The following PTDSS2 variants were observed in gnomAD, a reference collection of about 807,000 sequenced individuals.
PTDSS2 encodes PSS-2.
Under a neutral mutation model 64.7 loss-of-function variants are expected in PTDSS2, and 41 were observed. The observed-to-expected ratio is 0.63, with a 90% CI of 0.49 to 0.82. PTDSS2 has a LOEUF of 0.82. Ranked by LOEUF, PTDSS2 falls within the 40% of genes least tolerant of loss-of-function variation. The pLI, the probability that PTDSS2 is intolerant of heterozygous loss-of-function variation, is 0.00. For missense variants in PTDSS2, 485 were observed against 650.0 expected, an observed-to-expected ratio of 0.75 and a Z score of 2.76; for synonymous variants, 297 against 277.8, an observed-to-expected ratio of 1.07 and a Z score of -0.69.
At chr11:475,520 TGTTTGTGTGATACGGACATTCACGC>T (rs1847761369) in intron 3 of PTDSS2, among the ~76,000 whole-genome samples, 1 of 103,316 alleles carries the variant, frequency 9.7e-6, no homozygotes, top group Non-Finnish European at 2.0e-5. Flanking sequence ...CATATTCACG[TGTTTGTGTGATACGGACATTCACGC>T]GTTTGTGTGT....
At position 490,798 on chromosome 11, in the gene PTDSS2, ACG is replaced by A. The variant is rs137988203; in HGVS notation, c.*219_*220del. 27 of 577,944 alleles carry A rather than the reference ACG, an allele frequency of 4.7e-5. No homozygotes were observed. The highest frequency in any genetic ancestry group is 7.1e-5 in the Non-Finnish European group (23 of 325,958). 35.8% of individuals were successfully genotyped at this position (577,944 alleles called of 1,614,324 possible). ...TGTGTACGTGTGTATGCGTGTGTGT[ACG>A]CGTGTGTACGCGCGTGTGTACACAT... On this transcript the variant is annotated 3_prime_UTR_variant, in exon 12 of 12. Coordinates refer to ENST00000308020, the MANE Select transcript of PTDSS2 (RefSeq NM_030783.3).
chr11:452,052 G>A lies in PTDSS2; in HGVS notation c.182+1415G>A, dbSNP rs113470768. Among the ~76,000 whole-genome samples the A allele has an allele frequency of 7.1e-3, 1,088 of 152,222 alleles. 15 individuals carry two copies. The highest frequency in any genetic ancestry group is 0.025 in the African/African-American group (1,043 of 41,504). ...TCCCGCAGCACAGCTGGGGACCACC[G>A]GAGTCTCTGAGGTCCTGGAGCAAGG... On this transcript the variant is annotated intron_variant, in intron 1 of 11. Transcript: ENST00000308020.
At chr11:466,192 G>T (rs1479781589) in intron 2 of PTDSS2, among the ~76,000 whole-genome samples, 5 of 152,006 alleles carry the variant, frequency 3.3e-5, no homozygotes, top group African/African-American at 4.8e-5. Context: ...TGTGTAACAT[G>T]GTCTATTAGT....
At chr11:454,547 C>G (rs1347643584) in intron 1 of PTDSS2, among the ~76,000 whole-genome samples, 1 of 152,172 alleles carries the variant, frequency 6.6e-6, no homozygotes, top group Non-Finnish European at 1.5e-5. Flanking sequence ...AGTTTTACGC[C>G]TGTAATCCCA....
chr11:450,823 C>T (rs1846285635), intron 1 of PTDSS2, among the ~76,000 whole-genome samples, 186 bp downstream of exon 1: 1 of 152,104 alleles, frequency 6.6e-6, no homozygotes, highest in South Asian at 2.1e-4. Flanking sequence ...GAGCTCCCGA[C>T]GCCGGGTCGG....
chr11:485,965 G>A (rs1373507288), intron 4 of PTDSS2, among the ~76,000 whole-genome samples: 8 of 138,638 alleles, frequency 5.8e-5, no homozygotes, highest in South Asian at 2.3e-4. Flanking sequence ...GCACGGGCGC[G>A]CGTGTGCTCA....
chr11:451,393 C>G (rs2133744876), intron 1 of PTDSS2: 1 of 448,632 alleles, frequency 2.2e-6, no homozygotes, highest in Middle Eastern at 3.3e-4. Context: ...AGCTGCGACC[C>G]TGGGCTGGCC....
In PTDSS2 at chr11:491,202, G is replaced by A. The variant is rs964810778; in HGVS notation, c.*620G>A. 5 of 154,438 alleles carry A rather than the reference G, an allele frequency of 3.2e-5. No homozygotes were observed. The highest frequency in any genetic ancestry group is 1.2e-4 in the African/African-American group (5 of 41,474). The allele number at this position is 154,438 out of a possible 1,614,324, so 9.6% of individuals were successfully genotyped here. On this transcript the variant is annotated 3_prime_UTR_variant, in exon 12 of 12. Coordinates refer to ENST00000308020, the MANE Select transcript of PTDSS2 (RefSeq NM_030783.3). ...AGCGATGCTGAGCCACCTCCTCCGA[G>A]CCTTCCTTTCACACAGACCACCCCG...
chr11:473,781 G>C lies in PTDSS2; in HGVS notation c.285-114G>C, dbSNP rs534046661. On this transcript the variant is annotated intron_variant, in intron 2 of 11. Transcript: ENST00000308020. ...GCTCTGCCCGAGGCCCCTTCCTCCC[G>C]CCCCAGCATCAGGGGCTGTTCCACA... The C allele has an allele frequency of 1.8e-5, 15 of 837,394 alleles. No individual in the cohort carries two copies. The East Asian group carries it at 3.7e-4, about 20-fold the overall frequency. 51.9% of individuals were successfully genotyped at this position (837,394 alleles called of 1,614,324 possible). A position where few individuals can be genotyped will look rare whatever the true frequency, so the allele number is the denominator to read the frequency against.
chr11:465,773 A>C (rs1847114854), intron 2 of PTDSS2, among the ~76,000 whole-genome samples: 1 of 145,216 alleles, frequency 6.9e-6, no homozygotes, highest in African/African-American at 2.6e-5. Flanking sequence ...CATCTCTACT[A>C]AAAATTAGGA....
intron 2 of PTDSS2, 123 bp from the exon 3 acceptor site, chr11:473,772 C>A (rs1564977964): frequency 1.3e-6 from 1 of 795,410 alleles, no homozygotes; most frequent in East Asian, 2.5e-5. Flanking sequence ...CCCGAGGCCC[C>A]TTCCTCCCGC....
At chr11:477,967 C>T (rs937860534) in intron 3 of PTDSS2, among the ~76,000 whole-genome samples, 2 of 152,216 alleles carry the variant, frequency 1.3e-5, no homozygotes, top group Non-Finnish European at 2.9e-5. Flanking sequence ...CCAATGATGG[C>T]GGCTTTTCAT....
intron 1 of PTDSS2, among the ~76,000 whole-genome samples, 161 bp downstream of exon 1, chr11:450,798 G>T (rs1013926733): frequency 1.3e-5 from 2 of 152,176 alleles, no homozygotes; most frequent in East Asian, 3.9e-4. Flanking sequence ...CCGGGTCCCG[G>T]GGAGCGGCCG....
intron 4 of PTDSS2, among the ~76,000 whole-genome samples, chr11:485,961 G>C (rs2133834428): frequency 7.7e-6 from 1 of 130,058 alleles, no homozygotes; most frequent in African/African-American, 3.1e-5. Context: ...CAGTGCACGG[G>C]CGCGCGTGTG....
chr11:475,147 AC>A (rs1847702762), intron 3 of PTDSS2, among the ~76,000 whole-genome samples: 1 of 128,076 alleles, frequency 7.8e-6, no homozygotes, highest in African/African-American at 3.0e-5. Context: ...TTTGTGTGAT[AC>A]GGACATATTC....
intron 1 of PTDSS2, among the ~76,000 whole-genome samples, chr11:456,706 A>T (rs751211075): frequency 6.6e-6 from 1 of 152,080 alleles, no homozygotes; most frequent in African/African-American, 2.4e-5. Context: ...TGGGTCGCCG[A>T]ATCCAGGCAC....
chr11:464,423 T>C (rs989771355), intron 2 of PTDSS2, among the ~76,000 whole-genome samples: 1 of 152,252 alleles, frequency 6.6e-6, no homozygotes, highest in Admixed American at 6.5e-5. Flanking sequence ...AAGTGTTCAC[T>C]GTTCCCTGCG....
chr11:485,551 ACGGGCGCG>A (rs1443554307), intron 4 of PTDSS2, among the ~76,000 whole-genome samples: 1 of 85,020 alleles, frequency 1.2e-5, no homozygotes, highest in Non-Finnish European at 2.3e-5. Context: ...TAAACAGTGC[ACGGGCGCG>A]TGTGCTCACC....
intron 8 of PTDSS2, 47 bp from the exon 9 acceptor site, chr11:489,353 G>C: frequency 6.5e-7 from 1 of 1,527,500 alleles, no homozygotes; most frequent in South Asian, 1.1e-5. Flanking sequence ...CACAGGGCAG[G>C]GTTCGGTGGG....
Sources: gnomAD v4.1 joint callset for allele counts (sites outside exome capture counted in the v4.1 genomes callset) on GRCh38, gnomAD v4.1.1 for gene constraint, MANE v1.5 for transcripts, NCBI Gene and HGNC (gene_info 2026-07-23, HGNC 2026-07-21) for gene names.